DMD: variants seen among roughly 807,000 people sequenced by gnomAD.
DMD encodes the protein dystrophin, also known as mutant dystrophin.
In DMD, 63 loss-of-function variants were observed where a neutral mutation model predicts 330.1. The ratio of observed to expected loss-of-function variants is 0.19; its 90% CI spans 0.16 to 0.24. The LOEUF is 0.24. Among genes scored for constraint, DMD ranks in the 10% least tolerant of loss-of-function variants. The pLI is 1.00. For missense variants in DMD, 3,344 were observed against 2,684.1 expected (o/e 1.25, Z -5.43); for synonymous variants, 1,223 against 959.8 (o/e 1.27, Z -5.07).
intron 1 of DMD, among the ~76,000 whole-genome samples, chrX:33,243,840 A>T (rs774384704): frequency 2.8e-4 from 31 of 111,509 alleles, no homozygotes; most frequent in African/African-American, 9.8e-4. Flanking sequence ...TAATGTGTAC[A>T]TTTGAAAGTA....
At chrX:32,455,359 G>A (rs1371926073) in intron 25 of DMD, among the ~76,000 whole-genome samples, 1 of 111,293 alleles carries the variant, frequency 9.0e-6, no homozygotes, top group African/African-American at 3.2e-5. Context: ...TATAAAAGAT[G>A]TTCTAATACC....
chrX:32,704,554 A>C (rs2064433912), intron 7 of DMD, among the ~76,000 whole-genome samples: 3 of 112,230 alleles, frequency 2.7e-5, no homozygotes, highest in Admixed American at 9.5e-5. Flanking sequence ...TGTAATTGAA[A>C]ACAAGCAAGA....
At chrX:32,078,126 C>A (rs1694270743) in intron 44 of DMD, among the ~76,000 whole-genome samples, 2 of 111,881 alleles carry the variant, frequency 1.8e-5, no homozygotes, top group South Asian at 7.4e-4. Flanking sequence ...CATCCCCAAA[C>A]TAGCATGTCC....
intron 63 of DMD, among the ~76,000 whole-genome samples, chrX:31,233,825 C>A (rs1163887432): frequency 8.9e-6 from 1 of 112,319 alleles, no homozygotes; most frequent in Non-Finnish European, 1.9e-5. Flanking sequence ...ATTTCAATTA[C>A]TTCTCTGGTA....
chrX:32,715,469 C>CA (rs61325834), intron 7 of DMD, among the ~76,000 whole-genome samples: 2,813 of 17,184 alleles, frequency 0.16, 481 homozygotes, highest in African/African-American at 0.24. Flanking sequence ...GAGATTCCAT[C>CA]AAAAAAAAAA....
At chrX:31,827,064 AG>A (rs1399749924) in intron 49 of DMD, among the ~76,000 whole-genome samples, 1 of 112,448 alleles carries the variant, frequency 8.9e-6, no homozygotes, top group African/African-American at 3.2e-5. Flanking sequence ...TATGAAGAAC[AG>A]GAATTAGTTA....
rs141268226 is a variant in DMD at position 32,746,383 on chromosome X, T to A, written c.650-47090A>T. Among the ~76,000 whole-genome samples, 738 of 111,854 alleles carry A rather than the reference T, an allele frequency of 6.6e-3. 10 individuals are homozygous for A. Among genetic ancestry groups the A allele is most frequent in the Middle Eastern group, 0.046 (10 of 217 alleles). Reference sequence around the variant, plus strand: ...ACCATCCAGCAGAATCTCACACAGATCCTTAATTTTAAAATGAGTTAAGAA... The same window carrying A: ...ACCATCCAGCAGAATCTCACACAGAACCTTAATTTTAAAATGAGTTAAGAA... On this transcript the variant is annotated intron_variant, in intron 7 of 78. Transcript: ENST00000357033.
chrX:32,582,296 A>G (rs2053732180), intron 13 of DMD, among the ~76,000 whole-genome samples: 1 of 111,696 alleles, frequency 9.0e-6, no homozygotes, highest in African/African-American at 3.3e-5. Context: ...TATTAAGTAA[A>G]TGTAGCATGG....
chrX:31,268,306 G>T lies in DMD; in HGVS notation c.9225-7290C>A, dbSNP rs190654755. 5.3e-5 allele frequency among the ~76,000 whole-genome samples: 6 copies of T among 112,837 alleles called. No individual in the cohort carries two copies. In the Admixed American group the frequency reaches 5.6e-4, roughly 11 times the overall value. On this transcript the variant is annotated intron_variant, in intron 62 of 78. Transcript: ENST00000357033. ...GCATGGCAAAAGAGGCAAAAATAAA[G>T]TATCTGGACAAAAGCAAAAGGGAAT...
At chrX:32,399,590 G>C (rs1338398358) in intron 30 of DMD, among the ~76,000 whole-genome samples, 1 of 111,039 alleles carries the variant, frequency 9.0e-6, no homozygotes, top group Non-Finnish European at 1.9e-5. Flanking sequence ...ACAAATGTTG[G>C]CGAGGATATG....
At chrX:32,519,651 G>C (rs2046231021) in intron 17 of DMD, among the ~76,000 whole-genome samples, 1 of 111,508 alleles carries the variant, frequency 9.0e-6, no homozygotes, top group African/African-American at 3.3e-5. Context: ...CAATTCAATT[G>C]ACTTAAAACT....
intron 43 of DMD, among the ~76,000 whole-genome samples, chrX:32,242,994 G>GAAGA (rs777960214): frequency 8.5e-4 from 90 of 105,925 alleles, no homozygotes; most frequent in South Asian, 7.8e-3. Context: ...AGGAAGGAAG[G>GAAGA]AAGAAACAAA....
intron 44 of DMD, among the ~76,000 whole-genome samples, chrX:31,992,096 A>G (rs1005387635): frequency 8.9e-6 from 1 of 111,863 alleles, no homozygotes; most frequent in Non-Finnish European, 1.9e-5. Flanking sequence ...GGTCACTGTA[A>G]TGGGAGCTAA....
At chrX:33,318,326 A>G (rs2053962803) in intron 1 of DMD, among the ~76,000 whole-genome samples, 1 of 111,099 alleles carries the variant, frequency 9.0e-6, no homozygotes, top group African/African-American at 3.3e-5. Context: ...TGAAACAATT[A>G]ATTTGTTTTG....
Position 32,756,796 on chromosome X carries a change from T to C in DMD, c.649+52697A>G, listed in dbSNP as rs189402103. Reference sequence around the variant, plus strand: ...ACAATCAAGTATATATCAAACCATATGCTGTCACTTGCCCCATCTACATTT... The same window carrying C: ...ACAATCAAGTATATATCAAACCATACGCTGTCACTTGCCCCATCTACATTT... On this transcript the variant is annotated intron_variant, in intron 7 of 78. Coordinates refer to ENST00000357033, the MANE Select transcript of DMD (RefSeq NM_004006.3). 4.7e-3 allele frequency among the ~76,000 whole-genome samples: 524 copies of C among 111,840 alleles called. 5 individuals carry two copies. The highest frequency in any genetic ancestry group is 0.031 in the South Asian group (84 of 2,687).
At chrX:32,465,582 G>GTTTTTTGTTTTTTTTTTT (rs2098399319) in intron 23 of DMD, among the ~76,000 whole-genome samples, 1 of 76,662 alleles carries the variant, frequency 1.3e-5, no homozygotes, top group Non-Finnish European at 2.4e-5. Context: ...TTTGTTTTTT[G>GTTTTTTGTTTTTTTTTTT]TTTTTTTTTT....
chrX:32,578,000 G>A (rs1434429404), intron 13 of DMD, among the ~76,000 whole-genome samples: 1 of 112,036 alleles, frequency 8.9e-6, no homozygotes, highest in African/African-American at 3.2e-5. Context: ...GCCTTAATTT[G>A]AATTACAAAG....
intron 55 of DMD, among the ~76,000 whole-genome samples, chrX:31,512,062 A>T (rs1421735329): frequency 9.1e-6 from 1 of 109,491 alleles, no homozygotes; most frequent in East Asian, 2.9e-4. Context: ...TGTGGTTTTG[A>T]TTTGCATTTC....
intron 43 of DMD, among the ~76,000 whole-genome samples, chrX:32,227,088 A>G (rs745609984): frequency 9.5e-6 from 1 of 105,359 alleles, no homozygotes; most frequent in African/African-American, 3.4e-5. Flanking sequence ...TTAAACCAAA[A>G]CAATATTGAT....
Sources: allele counts gnomAD v4.1 joint callset (sites outside exome capture counted in the v4.1 genomes callset), GRCh38; gene constraint gnomAD v4.1.1; transcripts MANE v1.5; gene names NCBI Gene and HGNC (gene_info 2026-07-23, HGNC 2026-07-21).